The following POGLUT3 variants were observed in gnomAD, a reference collection of about 807,000 sequenced individuals.
The protein encoded by POGLUT3 is protein O-glucosyltransferase 3.
In POGLUT3, 48 loss-of-function variants were observed where a neutral mutation model predicts 54.3. The observed-to-expected ratio is 0.88, with a 90% CI of 0.70 to 1.12. The LOEUF (loss-of-function observed/expected upper bound fraction) is 1.12. Among genes scored for constraint, POGLUT3 ranks in the 50% most tolerant of loss-of-function variants. The pLI is 0.00. For synonymous variants in POGLUT3, 218 were observed against 237.4 expected, an observed-to-expected ratio of 0.92 and a Z score of 0.75; for missense variants, 629 against 618.7, an observed-to-expected ratio of 1.02 and a Z score of -0.18.
At chr11:108,495,877 A>T (rs565829202) in intron 1 of POGLUT3, among the ~76,000 whole-genome samples, 69 of 152,296 alleles carry the variant, frequency 4.5e-4, no homozygotes, top group African/African-American at 1.6e-3. Flanking sequence ...AAAAAAGGTA[A>T]AAAAAGAAAA....
In POGLUT3 at chr11:108,486,581, T is replaced by C. The variant is rs1591643071; in HGVS notation, c.401-141A>G. ...CTAGACAAATCAGTGGTGTAAGTGATTATGTTAGAGTCCTACACTTTTACT... is the reference window on the plus strand; with the variant it reads ...CTAGACAAATCAGTGGTGTAAGTGACTATGTTAGAGTCCTACACTTTTACT... On this transcript the variant is annotated intron_variant, in intron 2 of 7. Coordinates refer to ENST00000323468, the MANE Select transcript of POGLUT3 (RefSeq NM_153705.5). 4 of 817,888 alleles carry C rather than the reference T, an allele frequency of 4.9e-6. No individual in the cohort carries two copies. The East Asian group carries it at 1.1e-4, about 22-fold the overall frequency. 50.7% of individuals were successfully genotyped at this position (817,888 alleles called of 1,614,324 possible). A position where few individuals can be genotyped will look rare whatever the true frequency, so the allele number is the denominator to read the frequency against.
At chr11:108,490,856 G>T in intron 2 of POGLUT3, 114 bp downstream of exon 2, 1 of 653,482 alleles carries the variant, frequency 1.5e-6, no homozygotes. Context: ...CAGGAGGTAT[G>T]TATACAATGT....
At chr11:108,481,612 A>G (rs1451989963) in intron 4 of POGLUT3, among the ~76,000 whole-genome samples, 1 of 152,210 alleles carries the variant, frequency 6.6e-6, no homozygotes, top group Non-Finnish European at 1.5e-5. Context: ...TATTATGTAA[A>G]AGAATGCTCT....
chr11:108,487,393 G>A (rs1293330235), intron 2 of POGLUT3, among the ~76,000 whole-genome samples: 2 of 152,178 alleles, frequency 1.3e-5, no homozygotes, highest in Non-Finnish European at 2.9e-5. Flanking sequence ...TGGTCATTGA[G>A]TCTGAGAGAT....
At chr11:108,492,641 T>C (rs1396843937) in intron 1 of POGLUT3, among the ~76,000 whole-genome samples, 1 of 152,226 alleles carries the variant, frequency 6.6e-6, no homozygotes, top group Non-Finnish European at 1.5e-5. Context: ...CTCTTCAATT[T>C]AGTAATAACA....
intron 3 of POGLUT3, among the ~76,000 whole-genome samples, chr11:108,484,448 C>G (rs924224994): frequency 6.6e-6 from 1 of 152,090 alleles, no homozygotes; most frequent in African/African-American, 2.4e-5. Flanking sequence ...TATAACATAT[C>G]AGGAAAACTG....
chr11:108,476,054 G>A (rs1044189107), intron 7 of POGLUT3, among the ~76,000 whole-genome samples: 6 of 152,088 alleles, frequency 3.9e-5, no homozygotes, highest in Admixed American at 2.6e-4. Flanking sequence ...TGGGAGGGGG[G>A]AAGAATCGCT....
chr11:108,494,781 T>C (rs2135866867), intron 1 of POGLUT3, among the ~76,000 whole-genome samples: 1 of 152,324 alleles, frequency 6.6e-6, no homozygotes, highest in South Asian at 2.1e-4. Flanking sequence ...CCTTCCATCT[T>C]GACATATTTC....
chr11:108,491,915 T>C (rs149667665), intron 1 of POGLUT3, among the ~76,000 whole-genome samples: 96 of 152,340 alleles, frequency 6.3e-4, no homozygotes, highest in African/African-American at 2.2e-3. Flanking sequence ...TTCCTCCTTA[T>C]AAAACACACA....
intron 7 of POGLUT3, among the ~76,000 whole-genome samples, chr11:108,475,367 C>T (rs147388124): frequency 1.9e-3 from 288 of 152,110 alleles, no homozygotes; most frequent in African/African-American, 6.7e-3. Context: ...TTCTTTTAGG[C>T]CTATAGTCAC....
chr11:108,482,414 C>T (rs1287193925), intron 3 of POGLUT3, among the ~76,000 whole-genome samples, 192 bp from the exon 4 acceptor site: 1 of 152,106 alleles, frequency 6.6e-6, no homozygotes, highest in Non-Finnish European at 1.5e-5. Context: ...ATGACAAATT[C>T]ACTTAACCAG....
chr11:108,496,483 G>A lies in POGLUT3; in HGVS notation c.202+1682C>T, dbSNP rs552175878. Among the ~76,000 whole-genome samples, 5 of 152,272 alleles carry A rather than the reference G, an allele frequency of 3.3e-5. No homozygotes were observed. The South Asian group carries it at 1.0e-3, about 32-fold the overall frequency. On this transcript the variant is annotated intron_variant, in intron 1 of 7. Transcript: ENST00000323468. ...GGCTACAAAGCACAGCTGAATAAATGTGAGAGATGATATCACCTACAAAGC... is the reference window on the plus strand; with the variant it reads ...GGCTACAAAGCACAGCTGAATAAATATGAGAGATGATATCACCTACAAAGC...
At chr11:108,475,405 T>C (rs2093579132) in intron 7 of POGLUT3, among the ~76,000 whole-genome samples, 1 of 152,000 alleles carries the variant, frequency 6.6e-6, no homozygotes, top group African/African-American at 2.4e-5. Flanking sequence ...AACAGGTCTG[T>C]GTAATGTTCC....
In POGLUT3 at chr11:108,479,404, G is replaced by A; in HGVS notation, c.1190C>T (p.Ser397Leu). Residue 397 changes from serine to leucine, a missense_variant, in exon 6 of 8, where the codon TCG (serine) becomes TTG (leucine). Transcript: ENST00000323468. ...LGDSLVLKQD[S>L]PYYEHFYMAL... The stretch of plus-strand genomic sequence containing the variant: ...CATGTAGAAATGTTCATAATATGGC[G>A]AGTCCTGCTTTAAAACCAGACTGTC... The A allele has an allele frequency of 3.7e-6, 6 of 1,612,420 alleles. No individual in the cohort carries two copies. The highest frequency in any genetic ancestry group is 1.1e-5 in the South Asian group (1 of 90,760).
intron 7 of POGLUT3, among the ~76,000 whole-genome samples, chr11:108,475,484 T>TTTA (rs2093579999): frequency 6.7e-6 from 1 of 149,208 alleles, no homozygotes; most frequent in African/African-American, 2.5e-5. Flanking sequence ...TTTTTTTTTT[T>TTTA]GAGACACGGT....
chr11:108,494,509 A>G (rs1005922967), intron 1 of POGLUT3, among the ~76,000 whole-genome samples: 1 of 152,264 alleles, frequency 6.6e-6, no homozygotes, highest in Non-Finnish European at 1.5e-5. Flanking sequence ...GTAGAAGTTC[A>G]AAGGGCTGTT....
At chr11:108,490,895 A>G in intron 2 of POGLUT3, 75 bp downstream of exon 2, 1 of 1,080,874 alleles carries the variant, frequency 9.3e-7, no homozygotes, top group South Asian at 1.4e-5. Context: ...CTTTGAGGTC[A>G]TCAGGTTTAG....
intron 7 of POGLUT3, among the ~76,000 whole-genome samples, chr11:108,475,466 TTTG>T (rs1328106805): frequency 2.1e-5 from 3 of 141,770 alleles, no homozygotes; most frequent in African/African-American, 5.4e-5. Context: ...TTTTTTTGTT[TTTG>T]TTTTTTTTTT....
Position 108,482,182 on chromosome 11 carries a change from T to A in POGLUT3, c.725A>T (p.Asp242Val). The A allele has an allele frequency of 1.9e-6, 3 of 1,614,046 alleles. No homozygotes were observed. Reference protein sequence around the residue: ...PDLEFYVNLGDWPLEHRKVNG... With the variant: ...PDLEFYVNLGVWPLEHRKVNG... ...GACTTTTCGATGCTCCAAGGGCCAATCTCCAAGATTAACATAAAATTCTAA... is the reference window on the plus strand; with the variant it reads ...GACTTTTCGATGCTCCAAGGGCCAAACTCCAAGATTAACATAAAATTCTAA... Residue 242 changes from aspartate (D) to valine (V), a missense_variant, in exon 4 of 8, where the codon GAT becomes GTT. Transcript: ENST00000323468.
Sources: allele counts gnomAD v4.1 joint callset (sites outside exome capture counted in the v4.1 genomes callset), GRCh38; gene constraint gnomAD v4.1.1; transcripts MANE v1.5; gene names NCBI Gene and HGNC (gene_info 2026-07-23, HGNC 2026-07-21).